WNT2: variants seen among roughly 807,000 people sequenced by gnomAD.
WNT2 encodes protein Wnt-2.
WNT2 carries 12 observed loss-of-function variants against 36.9 expected under a neutral mutation model. The observed-to-expected ratio is 0.33, with a 90% CI of 0.21 to 0.53. The LOEUF is 0.53. WNT2 is among the 20% of genes least tolerant of loss of function. The pLI is 0.95. For missense variants in WNT2, 379 were observed against 473.1 expected (o/e 0.80, Z 1.84); for synonymous variants, 163 against 174.6 (o/e 0.93, Z 0.52).
chr7:117,312,324 T>G (rs1795137739), intron 3 of WNT2, among the ~76,000 whole-genome samples: 1 of 152,120 alleles, frequency 6.6e-6, no homozygotes, highest in African/African-American at 2.4e-5. Context: ...ATAGCTGTGG[T>G]AGTAGAACTG....
rs372316409 is a variant in WNT2, at chr7:117,278,205, C to T, written c.1033G>A (p.Val345Met). 1.2e-6 allele frequency: 2 copies of T among 1,614,126 alleles called. No individual in the cohort carries two copies. Among genetic ancestry groups the T allele is most frequent in the African/African-American group, 1.3e-5 (1 of 74,948 alleles). The change falls in exon 5 of 5, where the codon GTG (valine) becomes ATG (methionine). Residue 345 changes from valine (V) to methionine (M), a missense_variant. Coordinates refer to ENST00000265441, the MANE Select transcript of WNT2 (RefSeq NM_003391.3). ...TTCTTGGGGGCCTTGCATGTGTGCA[C>T]ATCCAGAGCTTCCAGGCAGTCCTGA... ...RCQDCLEALD[V>M]HTCKAPKNAD...
intron 3 of WNT2, among the ~76,000 whole-genome samples, chr7:117,310,790 C>A (rs980713285): frequency 6.6e-6 from 1 of 152,086 alleles, no homozygotes; most frequent in Non-Finnish European, 1.5e-5. Flanking sequence ...ATATCTCAAC[C>A]ATGGGAAATC....
At chr7:117,299,799 G>A (rs1056369524) in intron 3 of WNT2, among the ~76,000 whole-genome samples, 1 of 152,024 alleles carries the variant, frequency 6.6e-6, no homozygotes, top group Non-Finnish European at 1.5e-5. Flanking sequence ...CATCTGGTCT[G>A]CCCTCCCTTT....
intron 4 of WNT2, among the ~76,000 whole-genome samples, chr7:117,283,964 G>C (rs943172420): frequency 2.9e-4 from 44 of 152,240 alleles, no homozygotes; most frequent in Admixed American, 2.9e-3. Context: ...CCCCCATGAG[G>C]CATCGGGGCA....
intron 1 of WNT2, among the ~76,000 whole-genome samples, chr7:117,321,830 T>C (rs934000804): frequency 2.0e-5 from 3 of 152,210 alleles, no homozygotes; most frequent in Admixed American, 6.5e-5. Context: ...GTGTCAGCAA[T>C]GTCAAGGCTA....
chr7:117,305,141 C>T (rs139891231), intron 3 of WNT2, among the ~76,000 whole-genome samples: 15 of 152,238 alleles, frequency 9.9e-5, no homozygotes, highest in East Asian at 7.7e-4. Flanking sequence ...GCTTCCAGCC[C>T]GCGTCCTCTA....
chr7:117,298,933 G>A (rs1451064231), intron 3 of WNT2, among the ~76,000 whole-genome samples: 2 of 152,166 alleles, frequency 1.3e-5, no homozygotes, highest in Non-Finnish European at 2.9e-5. Flanking sequence ...CCCAGGTCGG[G>A]CCTTGGCACT....
intron 3 of WNT2, among the ~76,000 whole-genome samples, chr7:117,301,376 C>T (rs1485867411): frequency 2.0e-5 from 3 of 152,078 alleles, no homozygotes; most frequent in Non-Finnish European, 4.4e-5. Flanking sequence ...TAAGCTGAGG[C>T]AGCCTGTTTT....
chr7:117,293,283 A>G (rs1049132156), intron 4 of WNT2, among the ~76,000 whole-genome samples: 27 of 152,308 alleles, frequency 1.8e-4, no homozygotes, highest in African/African-American at 6.5e-4. Context: ...AGCTCACATC[A>G]GTCAACAAGC....
chr7:117,287,259 C>T (rs918137576), intron 4 of WNT2, among the ~76,000 whole-genome samples: 4 of 152,148 alleles, frequency 2.6e-5, no homozygotes, highest in South Asian at 2.1e-4. Flanking sequence ...GCAGGAGAAT[C>T]GCTTGAACCC....
chr7:117,310,788 A>G (rs576465067), intron 3 of WNT2, among the ~76,000 whole-genome samples: 7 of 152,018 alleles, frequency 4.6e-5, no homozygotes, highest in Non-Finnish European at 7.4e-5. Context: ...CCATATCTCA[A>G]CCATGGGAAA....
Position 117,278,119 on chromosome 7 carries a change from T to C in WNT2, c.*36A>G, listed in dbSNP as rs1195339133. The C allele has an allele frequency of 1.9e-6, 3 of 1,606,856 alleles. No homozygotes were observed. The highest frequency in any genetic ancestry group is 2.6e-6 in the Non-Finnish European group (3 of 1,174,022). ...GTTCTTGCAGATCCAATGGAGTCCT[T>C]GTAGAAGGGAAGGTGGATGGTGACG... On this transcript the variant is annotated 3_prime_UTR_variant, in exon 5 of 5. Transcript: ENST00000265441.
Position 117,322,133 on chromosome 7 carries a change from A to T in WNT2, c.83+774T>A, listed in dbSNP as rs962324697. 2.6e-5 allele frequency: 4 copies of T among 152,200 alleles called. No homozygotes were observed. The highest frequency in any genetic ancestry group is 6.5e-5 in the Admixed American group (1 of 15,290). The allele number at this position is 152,200 out of a possible 1,614,324, so 9.4% of individuals were successfully genotyped here. Reference sequence around the variant, plus strand: ...AGTCGGCAGATGGAGAACGGTTTCTAGATGGGGAGGGAATCTGCCTTTGGA... The same window carrying T: ...AGTCGGCAGATGGAGAACGGTTTCTTGATGGGGAGGGAATCTGCCTTTGGA... On this transcript the variant is annotated intron_variant, in intron 1 of 4. Transcript: ENST00000265441. The surrounding 1 kb of genome is among the most constrained non-coding windows in gnomAD (Gnocchi z 5.4).
chr7:117,289,619 T>G (rs961228604), intron 4 of WNT2, among the ~76,000 whole-genome samples: 3 of 152,172 alleles, frequency 2.0e-5, no homozygotes, highest in Non-Finnish European at 2.9e-5. Flanking sequence ...CTAATGAAAC[T>G]GTTTTATGTT....
intron 3 of WNT2, among the ~76,000 whole-genome samples, chr7:117,312,300 G>T (rs74359200): frequency 2.0e-5 from 3 of 151,970 alleles, no homozygotes; most frequent in African/African-American, 7.3e-5. Flanking sequence ...AGTATAGCTG[G>T]GAATAGTAGC....
At chr7:117,305,087 G>T (rs1794990582) in intron 3 of WNT2, among the ~76,000 whole-genome samples, 1 of 152,166 alleles carries the variant, frequency 6.6e-6, no homozygotes, top group South Asian at 2.1e-4. Context: ...GCCTGTGGTA[G>T]GTGAATCTGC....
chr7:117,287,533 A>G lies in WNT2; in HGVS notation c.854-9149T>C, dbSNP rs117596671. On this transcript the variant is annotated intron_variant, in intron 4 of 4. Coordinates refer to ENST00000265441, the MANE Select transcript of WNT2 (RefSeq NM_003391.3). ...TAATGCACATCACGCCACAGGGTTC[A>G]TGCACTGTTTGGAAATATTTGATCA... Among the ~76,000 whole-genome samples the G allele has an allele frequency of 1.9e-3, 282 of 152,194 alleles. 7 individuals carry two copies. In the East Asian group the frequency reaches 0.053, roughly 29 times the overall value.
chr7:117,280,798 T>C lies in WNT2; in HGVS notation c.854-2414A>G, dbSNP rs573422121. Reference sequence around the variant, plus strand: ...AGATAGTGCATGAAAGTGCCTGGCATAAAATAAGTGCTCAATAAATGTTAA... The same window carrying C: ...AGATAGTGCATGAAAGTGCCTGGCACAAAATAAGTGCTCAATAAATGTTAA... On this transcript the variant is annotated intron_variant, in intron 4 of 4. Transcript: ENST00000265441. 3.3e-3 allele frequency among the ~76,000 whole-genome samples: 501 copies of C among 152,350 alleles called. 2 individuals are homozygous for C. The highest frequency in any genetic ancestry group is 6.3e-3 in the Non-Finnish European group (429 of 68,026).
chr7:117,320,462 G>T, intron 2 of WNT2, 105 bp downstream of exon 2: 2 of 1,172,566 alleles, frequency 1.7e-6, no homozygotes, highest in Non-Finnish European at 2.5e-6. Flanking sequence ...ACAAACTTCT[G>T]ATGGAATAAA....
Sources: allele counts gnomAD v4.1 joint callset (sites outside exome capture counted in the v4.1 genomes callset), GRCh38; gene constraint gnomAD v4.1.1; non-coding constraint Gnocchi (gnomAD v3.1); transcripts MANE v1.5; gene names NCBI Gene and HGNC (gene_info 2026-07-23, HGNC 2026-07-21).